The following ADAM12 variants were observed in gnomAD, a reference collection of about 807,000 sequenced individuals.
ADAM12 encodes the protein disintegrin and metalloproteinase domain-containing protein 12.
ADAM12 carries 70 observed loss-of-function variants against 106.4 expected under a neutral mutation model. The observed-to-expected ratio is 0.66, with a 90% CI of 0.54 to 0.80. The LOEUF is 0.80. ADAM12 is among the 30% of genes least tolerant of loss of function. The pLI, the probability that ADAM12 is intolerant of heterozygous loss-of-function variation, is 0.00. For synonymous variants in ADAM12, 420 were observed against 433.5 expected (o/e 0.97, Z 0.39); for missense variants, 1,010 against 1,171.9 (o/e 0.86, Z 2.02).
chr10:126,357,195 T>A (rs553917379), intron 1 of ADAM12, among the ~76,000 whole-genome samples: 1 of 152,090 alleles, frequency 6.6e-6, no homozygotes, highest in East Asian at 1.9e-4. Flanking sequence ...AGACAAAAAA[T>A]TGTGAGAGCA....
intron 1 of ADAM12, among the ~76,000 whole-genome samples, chr10:126,385,463 C>A (rs530463060): frequency 6.6e-6 from 1 of 152,282 alleles, no homozygotes; most frequent in East Asian, 1.9e-4. Context: ...TGCCAGGAAC[C>A]AGGGGCAGAG....
At chr10:126,329,828 T>G (rs1854438151) in intron 2 of ADAM12, among the ~76,000 whole-genome samples, 1 of 152,138 alleles carries the variant, frequency 6.6e-6, no homozygotes, top group Admixed American at 6.5e-5. Flanking sequence ...TTTCCATAGA[T>G]TTTTATCACT....
chr10:126,267,569 G>T (rs1018074152), intron 3 of ADAM12, among the ~76,000 whole-genome samples: 1 of 152,060 alleles, frequency 6.6e-6, no homozygotes, highest in Non-Finnish European at 1.5e-5. Context: ...TCACAAGAGG[G>T]TTCATTCTCC....
At position 126,145,841 on chromosome 10, in the gene ADAM12, A is replaced by G. The variant is rs564877472; in HGVS notation, c.339+9386T>C. ...AAACATTTGTTGAATTAGTGCATGA[A>G]TGAATGACTGAATAAACATAGGCAT... On this transcript the variant is annotated intron_variant, in intron 4 of 22. Coordinates refer to ENST00000448723, the MANE Select transcript of ADAM12 (RefSeq NM_001288973.2). 2.0e-5 allele frequency among the ~76,000 whole-genome samples: 3 copies of G among 152,372 alleles called. No homozygotes were observed. The East Asian group carries it at 5.8e-4, about 29-fold the overall frequency.
intron 1 of ADAM12, among the ~76,000 whole-genome samples, chr10:126,332,897 C>G (rs1854571611): frequency 1.3e-5 from 2 of 152,200 alleles, no homozygotes; most frequent in East Asian, 3.9e-4. Context: ...GAGTTCTGAT[C>G]CAGCTATACA....
At chr10:126,211,204 C>A (rs1218109268) in intron 3 of ADAM12, among the ~76,000 whole-genome samples, 2 of 152,200 alleles carry the variant, frequency 1.3e-5, no homozygotes, top group African/African-American at 2.4e-5. Context: ...CCCTTCAGGG[C>A]ACTCCCTGTC....
intron 4 of ADAM12, among the ~76,000 whole-genome samples, chr10:126,150,418 T>C (rs1956708353): frequency 6.6e-6 from 1 of 152,232 alleles, no homozygotes; most frequent in Non-Finnish European, 1.5e-5. Context: ...GACCTTTACT[T>C]GGCTGTCCTA....
intron 3 of ADAM12, among the ~76,000 whole-genome samples, chr10:126,186,121 G>C (rs1349909871): frequency 6.6e-6 from 1 of 152,148 alleles, no homozygotes; most frequent in Non-Finnish European, 1.5e-5. Flanking sequence ...GTTAGCAGGA[G>C]CCGGTGGGGA....
intron 14 of ADAM12, among the ~76,000 whole-genome samples, chr10:126,058,281 G>T (rs1168800031): frequency 6.6e-6 from 1 of 152,260 alleles, no homozygotes; most frequent in African/African-American, 2.4e-5. Context: ...TTCCAAGAAC[G>T]AATGAGTGAA....
intron 5 of ADAM12, among the ~76,000 whole-genome samples, chr10:126,133,272 C>T (rs1317039357): frequency 5.9e-5 from 9 of 152,206 alleles, no homozygotes; most frequent in Non-Finnish European, 4.4e-5. Context: ...TGAGCGCCCA[C>T]TCTGCATGCT....
intron 4 of ADAM12, among the ~76,000 whole-genome samples, chr10:126,150,322 T>C (rs142672518): frequency 5.4e-4 from 82 of 152,342 alleles, no homozygotes; most frequent in African/African-American, 1.6e-3. Context: ...CCATCACTTA[T>C]TTATGACGTT....
In ADAM12 at chr10:126,320,450, T is replaced by C. The variant is rs530669338; in HGVS notation, c.186+9962A>G. Among the ~76,000 whole-genome samples the C allele has an allele frequency of 2.6e-5, 4 of 152,340 alleles. No individual in the cohort carries two copies. In the East Asian group the frequency reaches 7.7e-4, roughly 29 times the overall value. On this transcript the variant is annotated intron_variant, in intron 2 of 22. Coordinates refer to ENST00000448723, the MANE Select transcript of ADAM12 (RefSeq NM_001288973.2). ...GGATAGGTATAAAAATGTTTCTCAC[T>C]TTTTAGGGAAAGAATAGGAGGATTT...
intron 6 of ADAM12, among the ~76,000 whole-genome samples, chr10:126,115,038 T>C (rs1208459254): frequency 6.6e-6 from 1 of 152,126 alleles, no homozygotes; most frequent in Non-Finnish European, 1.5e-5. Flanking sequence ...ACAAAAGCAA[T>C]AGCACCAGTT....
At chr10:126,319,100 A>G (rs1334754522) in intron 2 of ADAM12, among the ~76,000 whole-genome samples, 1 of 152,198 alleles carries the variant, frequency 6.6e-6, no homozygotes, top group African/African-American at 2.4e-5. Context: ...CTGCCAAACC[A>G]TATCAATAAC....
At position 126,219,212 on chromosome 10, in the gene ADAM12, A is replaced by T. The variant is rs555031707; in HGVS notation, c.260+59703T>A. Among the ~76,000 whole-genome samples, 15 of 152,354 alleles carry T rather than the reference A, an allele frequency of 9.8e-5. No homozygotes were observed. The East Asian group carries it at 2.9e-3, about 29-fold the overall frequency. ...CATTGCTACAACTTCCAAAGGATTT[A>T]TTACCCCAGATGTCATGCCTGACGA... On this transcript the variant is annotated intron_variant, in intron 3 of 22. Transcript: ENST00000448723.
intron 1 of ADAM12, among the ~76,000 whole-genome samples, chr10:126,365,571 G>A (rs1483490685): frequency 6.6e-6 from 1 of 152,122 alleles, no homozygotes; most frequent in Non-Finnish European, 1.5e-5. Context: ...TCATAGCAAA[G>A]GGCAAAGGTG....
rs79331134 is a variant in ADAM12 at position 126,199,726 on chromosome 10, C to G, written c.261-44421G>C. ...TACAAATGGAATACATATAAAGTTT[C>G]TGTACATGTCAGTAATATTCCCTGA... is the stretch of plus-strand genomic sequence containing the variant. On this transcript the variant is annotated intron_variant, in intron 3 of 22. Coordinates refer to ENST00000448723, the MANE Select transcript of ADAM12 (RefSeq NM_001288973.2). Among the ~76,000 whole-genome samples, 39 of 152,260 alleles carry G rather than the reference C, an allele frequency of 2.6e-4. No homozygotes were observed. In the East Asian group the frequency reaches 7.5e-3, roughly 29 times the overall value.
At chr10:126,331,877 G>A (rs1037160530) in intron 1 of ADAM12, among the ~76,000 whole-genome samples, 2 of 152,170 alleles carry the variant, frequency 1.3e-5, no homozygotes, top group African/African-American at 2.4e-5. Context: ...TGACACCCGT[G>A]AACGGCTGCT....
chr10:126,238,177 T>C (rs10901566), intron 3 of ADAM12, among the ~76,000 whole-genome samples: 25,714 of 152,228 alleles, frequency 0.17, 2,194 homozygotes, highest in South Asian at 0.21. Flanking sequence ...CTTCCTACAA[T>C]TGTATTTTAA....
Sources: allele counts gnomAD v4.1 joint callset (sites outside exome capture counted in the v4.1 genomes callset), GRCh38; gene constraint gnomAD v4.1.1; transcripts MANE v1.5; gene names NCBI Gene and HGNC (gene_info 2026-07-23, HGNC 2026-07-21).